Variants in ADA2 observed in about 807,000 individuals in gnomAD.
ADA2 encodes adenosine deaminase 2, also known as adenosine deaminase CECR1.
Under a neutral mutation model 44.2 loss-of-function variants are expected in ADA2, and 29 were observed. The observed-to-expected ratio is 0.66, with a 90% CI of 0.49 to 0.89. The LOEUF is 0.89. Among genes scored for constraint, ADA2 ranks in the 40% least tolerant of loss-of-function variants. ADA2 has a pLI of 0.00. For synonymous variants in ADA2, 215 were observed against 234.9 expected (o/e 0.92, Z 0.77); for missense variants, 637 against 644.8 (o/e 0.99, Z 0.13).
intron 4 of ADA2, among the ~76,000 whole-genome samples, chr22:17,201,967 C>CTTTTTTTTT (rs71200247): frequency 8.7e-5 from 9 of 103,124 alleles, no homozygotes; most frequent in Admixed American, 4.7e-4. Context: ...TTTCTTTTTT[C>CTTTTTTTTT]TTTTTTTTTT....
intron 7 of ADA2, among the ~76,000 whole-genome samples, chr22:17,184,189 C>T (rs1423645369): frequency 6.6e-6 from 1 of 151,392 alleles, no homozygotes; most frequent in Non-Finnish European, 1.5e-5. Context: ...TGGTCTCGAT[C>T]ACCTGACCTT....
rs565012670 is a variant in ADA2 at position 17,217,167 on chromosome 22, G to A, written c.-47+2189C>T. Among the ~76,000 whole-genome samples, 13 of 151,604 alleles carry A rather than the reference G, an allele frequency of 8.6e-5. No homozygotes were observed. In the East Asian group the frequency reaches 2.1e-3, roughly 25 times the overall value. On this transcript the variant is annotated intron_variant, in intron 1 of 9. Transcript: ENST00000399837. ...TATTTTTAAAAGTAAAGCAAAATAG[G>A]AGAAAAGAAAATGAGATGATTATTG...
upstream of ADA2, among the ~76,000 whole-genome samples, chr22:17,220,849 A>T (rs984920033): frequency 1.3e-5 from 2 of 152,190 alleles, no homozygotes; most frequent in Non-Finnish European, 2.9e-5. Flanking sequence ...CAAAGTGAAA[A>T]CACAGAGGGG....
intron 5 of ADA2, among the ~76,000 whole-genome samples, chr22:17,190,486 A>C (rs112665741): frequency 1.2e-4 from 19 of 152,290 alleles, no homozygotes; most frequent in African/African-American, 4.3e-4. Context: ...CAGTAACCAT[A>C]TGGCCTCTTG....
At position 17,180,536 on chromosome 22, in the gene ADA2, T is replaced by C. The variant is rs1284485447; in HGVS notation, c.*947A>G. ...TTAAAGGGCTGAGTGTGGTGGCTCA[T>C]GTCAGTAATCCCAGCACTTCGGGAG... On this transcript the variant is annotated 3_prime_UTR_variant, in exon 10 of 10. Transcript: ENST00000399837. 2 of 152,164 alleles carry C rather than the reference T, an allele frequency of 1.3e-5. No individual in the cohort carries two copies. Among genetic ancestry groups the C allele is most frequent in the Non-Finnish European group, 2.9e-5 (2 of 68,068 alleles). The allele number at this position is 152,164 out of a possible 1,614,324, so 9.4% of individuals were successfully genotyped here. A position where few individuals can be genotyped will look rare whatever the true frequency, so the allele number is the denominator to read the frequency against.
upstream of ADA2, chr22:17,219,665 G>GTTTTTTTTTTTTTTT (rs71200249): frequency 2.8e-5 from 2 of 71,996 alleles, no homozygotes; most frequent in African/African-American, 5.9e-5. Context: ...TGTGGGGTTT[G>GTTTTTTTTTTTTTTT]TTTTTTTTTT....
intron 3 of ADA2, among the ~76,000 whole-genome samples, chr22:17,205,059 C>A (rs752130181): frequency 1.3e-5 from 2 of 151,922 alleles, no homozygotes; most frequent in Non-Finnish European, 2.9e-5. Context: ...GCTCTGTCGC[C>A]CAGGCTGGAG....
chr22:17,203,520 G>T, intron 4 of ADA2, 43 bp downstream of exon 4: 1 of 1,507,450 alleles, frequency 6.6e-7, no homozygotes, highest in South Asian at 1.1e-5. Context: ...AGTCAGGCCA[G>T]AGCAAAGGAG....
chr22:17,187,383 G>A (rs2123627305), intron 7 of ADA2, among the ~76,000 whole-genome samples: 1 of 152,038 alleles, frequency 6.6e-6, no homozygotes, highest in African/African-American at 2.4e-5. Flanking sequence ...CAGTGAGCCT[G>A]GGCTCAGGCA....
In ADA2 at chr22:17,189,825, T is replaced by C. The variant is rs532963721; in HGVS notation, c.972+117A>G. ...TCAGCAGCCTGAGCCTGCCCTGGGA[T>C]GTCAGGGTACCAACAGGCACATTGC... On this transcript the variant is annotated intron_variant, in intron 6 of 9. Transcript: ENST00000399837. 4 of 705,822 alleles carry C rather than the reference T, an allele frequency of 5.7e-6. No homozygotes were observed. In the South Asian group the frequency reaches 6.7e-5, roughly 12 times the overall value. 43.7% of individuals were successfully genotyped at this position (705,822 alleles called of 1,614,324 possible).
At chr22:17,187,830 C>T (rs538960684) in intron 7 of ADA2, among the ~76,000 whole-genome samples, 4 of 152,090 alleles carry the variant, frequency 2.6e-5, no homozygotes, top group South Asian at 4.2e-4. Flanking sequence ...AAAGGCCAGG[C>T]GCAGTGGCTC....
At chr22:17,215,161 A>G (rs2062457334) in intron 1 of ADA2, among the ~76,000 whole-genome samples, 1 of 152,208 alleles carries the variant, frequency 6.6e-6, no homozygotes, top group African/African-American at 2.4e-5. Context: ...TACATACTGA[A>G]AGAATAACAA....
At chr22:17,208,511 T>G (rs2062380474) in intron 2 of ADA2, among the ~76,000 whole-genome samples, 2 of 148,128 alleles carry the variant, frequency 1.4e-5, no homozygotes, top group East Asian at 4.2e-4. Context: ...CATTTTAAAT[T>G]AACATTTTTG....
chr22:17,182,070 A>T, intron 8 of ADA2, 48 bp from the exon 9 acceptor site: 2 of 1,489,354 alleles, frequency 1.3e-6, no homozygotes, highest in Non-Finnish European at 1.9e-6. Flanking sequence ...ATCCCTAAAA[A>T]GAGTAGTCAC....
At position 17,207,204 on chromosome 22, in the gene ADA2, A is replaced by G; in HGVS notation, c.409T>C (p.Cys137Arg). Reference sequence around the variant, plus strand: ...TGCATGATCCCCCTTGGGGTGAAACAGATGTGGCAGTGAGGCCTGTAGGTG... The same window carrying G: ...TGCATGATCCCCCTTGGGGTGAAACGGATGTGGCAGTGAGGCCTGTAGGTG... ...NVTYRPHCHI[C>R]FTPRGIMQFR... The change falls in exon 3 of 10, where the codon TGT (cysteine) becomes CGT (arginine). Residue 137 changes from cysteine (C) to arginine (R), a missense_variant. Coordinates refer to ENST00000399837, the MANE Select transcript of ADA2 (RefSeq NM_001282225.2). 2 of 1,614,202 alleles carry G rather than the reference A, an allele frequency of 1.2e-6. No individual in the cohort carries two copies. Among genetic ancestry groups the G allele is most frequent in the Non-Finnish European group, 1.7e-6 (2 of 1,180,002 alleles).
At chr22:17,184,106 C>T (rs565706336) in intron 7 of ADA2, among the ~76,000 whole-genome samples, 13 of 151,360 alleles carry the variant, frequency 8.6e-5, no homozygotes, top group African/African-American at 3.2e-4. Flanking sequence ...ACTACAGGCG[C>T]CCGCCACCAC....
At chr22:17,202,473 A>T (rs765428585) in intron 4 of ADA2, among the ~76,000 whole-genome samples, 13 of 151,982 alleles carry the variant, frequency 8.6e-5, no homozygotes, top group Non-Finnish European at 1.8e-4. Context: ...CGCCATGTTG[A>T]CCAGGCTGGT....
chr22:17,216,707 C>G (rs1568993260), intron 1 of ADA2, among the ~76,000 whole-genome samples: 1 of 151,186 alleles, frequency 6.6e-6, no homozygotes, highest in African/African-American at 2.4e-5. Flanking sequence ...TTGCAGTGAG[C>G]CGAGTTCGTG....
rs553686251 is a variant in ADA2, at chr22:17,188,811, A to G, written c.973-364T>C. Reference sequence around the variant, plus strand: ...GGAGAATGGCATGAACCCAGGAGGCAGAACTTGCAGTGAGCTGAGATCACA... The same window carrying G: ...GGAGAATGGCATGAACCCAGGAGGCGGAACTTGCAGTGAGCTGAGATCACA... On this transcript the variant is annotated intron_variant, in intron 6 of 9. Coordinates refer to ENST00000399837, the MANE Select transcript of ADA2 (RefSeq NM_001282225.2). 7.8e-4 allele frequency: 112 copies of G among 144,008 alleles called. 5 individuals are homozygous for G. The East Asian group carries it at 0.022, about 29-fold the overall frequency. 8.9% of individuals were successfully genotyped at this position (144,008 alleles called of 1,614,324 possible).
Sources: gnomAD v4.1 joint callset for allele counts (sites outside exome capture counted in the v4.1 genomes callset) on GRCh38, gnomAD v4.1.1 for gene constraint, MANE v1.5 for transcripts, NCBI Gene and HGNC (gene_info 2026-07-23, HGNC 2026-07-21) for gene names.